SLC24A2: variants seen among roughly 807,000 people sequenced by gnomAD.
SLC24A2 encodes the protein solute carrier family 24 member 2, also known as sodium/potassium/calcium exchanger 2.
SLC24A2 carries 36 observed loss-of-function variants against 62.0 expected under a neutral mutation model. That is an observed-to-expected ratio of 0.58 (90% CI 0.44 to 0.77). The LOEUF is 0.77. Ranked by LOEUF, SLC24A2 falls within the 30% of genes least tolerant of loss-of-function variation. The pLI is 0.00. For synonymous variants in SLC24A2, 358 were observed against 294.0 expected, an observed-to-expected ratio of 1.22 and a Z score of -2.23; for missense variants, 846 against 817.9, an observed-to-expected ratio of 1.03 and a Z score of -0.42.
chr9:19,655,168 T>A (rs900344050), intron 2 of SLC24A2, among the ~76,000 whole-genome samples: 4 of 152,228 alleles, frequency 2.6e-5, no homozygotes, highest in African/African-American at 9.6e-5. Context: ...GAAAAATAAG[T>A]ATCTATCACC....
intron 5 of SLC24A2, among the ~76,000 whole-genome samples, chr9:19,588,972 T>C (rs1403944200): frequency 2.0e-5 from 3 of 152,056 alleles, no homozygotes; most frequent in Admixed American, 1.3e-4. Context: ...AAAAAAAAAT[T>C]TGCTGTCTGA....
At chr9:20,071,479 C>G in the SLC24A2 span, among the ~76,000 whole-genome samples, 2 of 152,158 alleles carry the variant, frequency 1.3e-5, no homozygotes, top group African/African-American at 4.8e-5. Context: ...TTTGCATGTG[C>G]AATGGATGTG....
the SLC24A2 span, among the ~76,000 whole-genome samples, chr9:20,137,895 A>T: frequency 6.6e-6 from 1 of 152,212 alleles, no homozygotes; most frequent in Non-Finnish European, 1.5e-5. Context: ...ACTAAGTTTA[A>T]AAGTTAGAGA....
chr9:19,915,046 G>C, the SLC24A2 span, among the ~76,000 whole-genome samples: 1 of 151,988 alleles, frequency 6.6e-6, no homozygotes, highest in East Asian at 1.9e-4. Flanking sequence ...TTACCATTAA[G>C]TAACTCCAGA....
chr9:20,175,944 G>GAAGA, the SLC24A2 span, among the ~76,000 whole-genome samples: 1 of 152,028 alleles, frequency 6.6e-6, no homozygotes. Flanking sequence ...AAAAGCCAGA[G>GAAGA]AAGAGATCAT....
At chr9:19,594,168 T>C (rs1188671661) in intron 5 of SLC24A2, among the ~76,000 whole-genome samples, 1 of 152,042 alleles carries the variant, frequency 6.6e-6, no homozygotes, top group Non-Finnish European at 1.5e-5. Flanking sequence ...TTTCCTCCCC[T>C]GTAGCCTGTC....
At chr9:19,992,034 T>C in the SLC24A2 span, among the ~76,000 whole-genome samples, 1 of 152,226 alleles carries the variant, frequency 6.6e-6, no homozygotes, top group Admixed American at 6.5e-5. Flanking sequence ...CAACCATCTA[T>C]GTTGGGGCAG....
At chr9:19,841,137 G>A in the SLC24A2 span, among the ~76,000 whole-genome samples, 3 of 152,108 alleles carry the variant, frequency 2.0e-5, no homozygotes, top group Non-Finnish European at 4.4e-5. Flanking sequence ...CTCTGAGCCA[G>A]GCATTATTTT....
the SLC24A2 span, among the ~76,000 whole-genome samples, chr9:19,997,281 AAGAG>A: frequency 6.6e-6 from 1 of 151,088 alleles, no homozygotes; most frequent in Non-Finnish European, 1.5e-5. Context: ...CACAGAAAGA[AAGAG>A]AAAGAGAAAG....
the SLC24A2 span, among the ~76,000 whole-genome samples, chr9:20,231,084 T>C: frequency 1.3e-5 from 2 of 152,170 alleles, no homozygotes; most frequent in South Asian, 2.1e-4. Flanking sequence ...TTCTGTTCCA[T>C]TGGTCTATAT....
intron 2 of SLC24A2, among the ~76,000 whole-genome samples, chr9:19,768,071 A>C (rs1822575088): frequency 1.3e-5 from 2 of 152,102 alleles, no homozygotes; most frequent in Non-Finnish European, 2.9e-5. Context: ...TTAATCCATT[A>C]ATCCATGGGT....
At chr9:20,270,012 G>A in the SLC24A2 span, among the ~76,000 whole-genome samples, 20 of 152,180 alleles carry the variant, frequency 1.3e-4, no homozygotes, top group Non-Finnish European at 2.6e-4. Flanking sequence ...ACATGGTGGA[G>A]AATTTCAAAG....
At chr9:20,112,957 GA>G in the SLC24A2 span, among the ~76,000 whole-genome samples, 1 of 151,948 alleles carries the variant, frequency 6.6e-6, no homozygotes, top group African/African-American at 2.4e-5. Flanking sequence ...GTTAGGGCTG[GA>G]AAAAACAAAG....
At chr9:20,172,084 T>A in the SLC24A2 span, among the ~76,000 whole-genome samples, 3 of 151,992 alleles carry the variant, frequency 2.0e-5, no homozygotes, top group Non-Finnish European at 4.4e-5. Flanking sequence ...TGCAAATACA[T>A]GGAAATTAAA....
At chr9:20,093,620 T>C in the SLC24A2 span, among the ~76,000 whole-genome samples, 3 of 152,216 alleles carry the variant, frequency 2.0e-5, no homozygotes, top group African/African-American at 7.2e-5. Context: ...AGGTAACATG[T>C]TTTATTCCTT....
upstream of SLC24A2, among the ~76,000 whole-genome samples, chr9:19,793,824 T>C (rs1024577822): frequency 2.0e-5 from 3 of 152,224 alleles, no homozygotes; most frequent in African/African-American, 7.2e-5. Context: ...CCTATAGATT[T>C]CTTCTACCAA....
chr9:19,636,281 C>CTCTTCTTTTCTTTTCTTTTCTTTTTTT (rs1554690322), intron 2 of SLC24A2, among the ~76,000 whole-genome samples: 1 of 74,092 alleles, frequency 1.3e-5, no homozygotes, highest in Non-Finnish European at 2.8e-5. Flanking sequence ...TTCTTCTCTT[C>CTCTTCTTTTCTTTTCTTTTCTTTTTTT]TTCTCTTCTT....
intron 2 of SLC24A2, among the ~76,000 whole-genome samples, chr9:19,662,626 C>T (rs1449297970): frequency 2.0e-5 from 3 of 152,160 alleles, no homozygotes; most frequent in East Asian, 1.9e-4. Flanking sequence ...CACTGAGATG[C>T]TTGTAGTCCC....
chr9:20,247,656 G>T, the SLC24A2 span, among the ~76,000 whole-genome samples: 1 of 152,182 alleles, frequency 6.6e-6, no homozygotes, highest in East Asian at 1.9e-4. Flanking sequence ...TTCTATTGTT[G>T]GTTAGCCAAA....
Sources: gnomAD v4.1 joint callset for allele counts (sites outside exome capture counted in the v4.1 genomes callset) on GRCh38, gnomAD v4.1.1 for gene constraint, MANE v1.5 for transcripts, NCBI Gene and HGNC (gene_info 2026-07-23, HGNC 2026-07-21) for gene names.